Variants in NEURL1 observed in about 807,000 individuals in gnomAD.
The protein encoded by NEURL1 is neuralized E3 ubiquitin protein ligase 1.
NEURL1 carries 26 observed loss-of-function variants against 41.2 expected under a neutral mutation model. The ratio of observed to expected loss-of-function variants is 0.63; its 90% CI spans 0.46 to 0.87. The LOEUF (loss-of-function observed/expected upper bound fraction) is 0.87. Ranked by LOEUF, NEURL1 falls within the 40% of genes least tolerant of loss-of-function variation. The pLI, the probability that NEURL1 is intolerant of heterozygous loss-of-function variation, is 0.00. For synonymous variants in NEURL1, 400 were observed against 402.3 expected (o/e 0.99, Z 0.07); for missense variants, 761 against 871.1 (o/e 0.87, Z 1.59).
In NEURL1 at chr10:103,558,503, C is replaced by CTGTGTGTGTG. The variant is rs3068767; in HGVS notation, c.86-12333_86-12324dup. The stretch of plus-strand genomic sequence containing the variant: ...GTGGTACTCTGTGCCTGTGCCATGC[C>CTGTGTGTGTG]TGTGTGTGTGTGTGTGTGTGTGTGT... On this transcript the variant is annotated intron_variant, in intron 1 of 5. Transcript: ENST00000369780. The surrounding 1 kb of genome is among the most constrained non-coding windows in gnomAD (Gnocchi z 4.2). 4.1e-4 allele frequency among the ~76,000 whole-genome samples: 54 copies of CTGTGTGTGTG among 131,998 alleles called. No individual in the cohort carries two copies. Among genetic ancestry groups the CTGTGTGTGTG allele is most frequent in the African/African-American group, 1.5e-3 (51 of 34,224 alleles). The allele number at this position is 131,998 out of a possible 152,430, so 86.6% of individuals were successfully genotyped here.
At chr10:103,528,826 C>T (rs1021352148) in intron 1 of NEURL1, among the ~76,000 whole-genome samples, 3 of 152,144 alleles carry the variant, frequency 2.0e-5, no homozygotes, top group Non-Finnish European at 4.4e-5. Context: ...TGGGAACTTC[C>T]CAGGAACTGG....
At chr10:103,512,009 C>T (rs1166155286) in intron 1 of NEURL1, 2 of 152,250 alleles carry the variant, frequency 1.3e-5, no homozygotes, top group Admixed American at 1.3e-4. Context: ...GGAGCCCAGA[C>T]AAGAGCAAGA....
intron 1 of NEURL1, among the ~76,000 whole-genome samples, chr10:103,519,181 A>T (rs1270551900): frequency 6.6e-6 from 1 of 152,094 alleles, no homozygotes; most frequent in Non-Finnish European, 1.5e-5. Context: ...TGGAAGATGG[A>T]GGTTGCAGTG....
chr10:103,560,520 G>A (rs574182287), intron 1 of NEURL1, among the ~76,000 whole-genome samples: 14 of 152,304 alleles, frequency 9.2e-5, no homozygotes, highest in African/African-American at 2.6e-4. Flanking sequence ...AGTCTTAACC[G>A]TTGCCTGCCA....
chr10:103,513,479 T>C (rs2034123258), intron 1 of NEURL1, among the ~76,000 whole-genome samples: 1 of 152,240 alleles, frequency 6.6e-6, no homozygotes, highest in Non-Finnish European at 1.5e-5. Flanking sequence ...GAGGTGCCTG[T>C]GCCACAGAGG....
intron 1 of NEURL1, among the ~76,000 whole-genome samples, chr10:103,551,270 T>C (rs1190357761): frequency 6.6e-6 from 1 of 151,994 alleles, no homozygotes; most frequent in Non-Finnish European, 1.5e-5. Context: ...CTCACCCTTT[T>C]AGTAACAGAA....
intron 1 of NEURL1, among the ~76,000 whole-genome samples, chr10:103,524,347 C>A (rs1334577566): frequency 6.6e-6 from 1 of 152,048 alleles, no homozygotes; most frequent in East Asian, 1.9e-4. Flanking sequence ...GGATATTAAC[C>A]CCTTGTCAGA....
chr10:103,503,128 C>T lies in NEURL1; in HGVS notation c.85+8656C>T, dbSNP rs193094771. Among the ~76,000 whole-genome samples the T allele has an allele frequency of 3.3e-3, 508 of 152,340 alleles. 7 individuals carry two copies. Among genetic ancestry groups the T allele is most frequent in the Admixed American group, 1.8e-3 (28 of 15,308 alleles). ...TCCAGCAAGCCAGAGTCCAAAGGCCCTGTGGAGCCTGTGGGTCCCGCCTGG... is the reference window on the plus strand; with the variant it reads ...TCCAGCAAGCCAGAGTCCAAAGGCCTTGTGGAGCCTGTGGGTCCCGCCTGG... On this transcript the variant is annotated intron_variant, in intron 1 of 5. Transcript: ENST00000369780.
rs369692475 is a variant in NEURL1 at position 103,571,840 on chromosome 10, C to T, written c.649+18C>T. Reference sequence around the variant, plus strand: ...GCTGCTTGGTGAGTGCCTGCCCCTCCGGCCCCTTGGTGCAGGGGACACCCC... The same window carrying T: ...GCTGCTTGGTGAGTGCCTGCCCCTCTGGCCCCTTGGTGCAGGGGACACCCC... On this transcript the variant is annotated intron_variant, in intron 3 of 5. Transcript: ENST00000369780. 2.7e-4 allele frequency: 423 copies of T among 1,579,228 alleles called. No homozygotes were observed. The highest frequency in any genetic ancestry group is 1.1e-3 in the African/African-American group (82 of 74,726).
intron 1 of NEURL1, among the ~76,000 whole-genome samples, chr10:103,524,218 T>C (rs2034415663): frequency 6.6e-6 from 1 of 152,106 alleles, no homozygotes; most frequent in South Asian, 2.1e-4. Context: ...AAATATATAC[T>C]TGTTGGTTTT....
intron 1 of NEURL1, among the ~76,000 whole-genome samples, chr10:103,512,973 C>T (rs924502610): frequency 3.9e-5 from 6 of 152,164 alleles, no homozygotes; most frequent in Middle Eastern, 3.4e-3. Flanking sequence ...ACTCCTTCCC[C>T]GTCTTTCTCT....
intron 1 of NEURL1, among the ~76,000 whole-genome samples, chr10:103,502,812 G>T (rs1319945921): frequency 6.6e-6 from 1 of 152,230 alleles, no homozygotes; most frequent in African/African-American, 2.4e-5. Flanking sequence ...CCCAGGGTGT[G>T]CCAGGGCCGC....
At chr10:103,511,002 G>A (rs12780686) in intron 1 of NEURL1, among the ~76,000 whole-genome samples, 3,298 of 152,142 alleles carry the variant, frequency 0.022, 124 homozygotes, top group African/African-American at 0.076. Context: ...GGCCTTGAAT[G>A]GGGGGGCTCC....
intron 1 of NEURL1, among the ~76,000 whole-genome samples, chr10:103,516,789 G>A (rs138481131): frequency 6.7e-4 from 102 of 152,266 alleles, no homozygotes; most frequent in African/African-American, 2.1e-3. Context: ...TAACCAGTAC[G>A]ATTCTGGAAG....
rs2133855739 is a variant in NEURL1 at position 103,522,775 on chromosome 10, G to C, written c.85+28303G>C. ...ATTTACTAGTTGGTGTCTTGATGCA[G>C]AGCCATGATCCGCTGGTTGGAATTC... On this transcript the variant is annotated intron_variant, in intron 1 of 5. Transcript: ENST00000369780. Among the ~76,000 whole-genome samples, 2 of 152,276 alleles carry C rather than the reference G, an allele frequency of 1.3e-5. 1 individual carries two copies. Among genetic ancestry groups the C allele is most frequent in the South Asian group, 4.1e-4 (2 of 4,824 alleles).
At position 103,493,789 on chromosome 10, in the gene NEURL1, G is replaced by A. The variant is rs1169640223; in HGVS notation, c.-599G>A. 6.6e-6 allele frequency among the ~76,000 whole-genome samples: 1 copy of A among 151,852 alleles called. No individual in the cohort carries two copies. Among genetic ancestry groups the A allele is most frequent in the Non-Finnish European group, 1.5e-5 (1 of 67,908 alleles). ...ACTGCCGGGGCGGGGGGCGGGGGCG[G>A]CGGTCGCAGGAGGGACCCGGCGCGG... On this transcript the variant is annotated 5_prime_UTR_variant, in exon 1 of 6. Coordinates refer to ENST00000369780, the MANE Select transcript of NEURL1 (RefSeq NM_004210.5).
rs1403764051 is a variant in NEURL1, at chr10:103,570,748, G to C, written c.86-124G>C. The C allele has an allele frequency of 2.7e-6, 4 of 1,477,988 alleles. No homozygotes were observed. In the African/African-American group the frequency reaches 4.2e-5, roughly 16 times the overall value. 91.6% of individuals were successfully genotyped at this position (1,477,988 alleles called of 1,614,324 possible). Reference sequence around the variant, plus strand: ...AGGATGGTGGCAAGGGGTGGCGGCAGTGGTGAAAGAACTGGGCTCTGGGTG... The same window carrying C: ...AGGATGGTGGCAAGGGGTGGCGGCACTGGTGAAAGAACTGGGCTCTGGGTG... On this transcript the variant is annotated intron_variant, in intron 1 of 5. Coordinates refer to ENST00000369780, the MANE Select transcript of NEURL1 (RefSeq NM_004210.5).
At chr10:103,562,814 A>T (rs1252286062) in intron 1 of NEURL1, among the ~76,000 whole-genome samples, 3 of 152,226 alleles carry the variant, frequency 2.0e-5, no homozygotes, top group Non-Finnish European at 4.4e-5. Context: ...GGTGGGAAGG[A>T]GGAAGGAAAT....
At chr10:103,500,868 C>T (rs2033807124) in intron 1 of NEURL1, among the ~76,000 whole-genome samples, 2 of 152,230 alleles carry the variant, frequency 1.3e-5, no homozygotes. Context: ...GCGTGTTTAA[C>T]AGGGTCCTCA....
Sources: allele counts gnomAD v4.1 joint callset (sites outside exome capture counted in the v4.1 genomes callset), GRCh38; gene constraint gnomAD v4.1.1; non-coding constraint Gnocchi (gnomAD v3.1); transcripts MANE v1.5; gene names NCBI Gene and HGNC (gene_info 2026-07-23, HGNC 2026-07-21).